The following ENTREP2 variants were observed in gnomAD, a reference collection of about 807,000 sequenced individuals.
ENTREP2 encodes protein ENTREP2.
chr15:29,128,756 C>G, the ENTREP2 span: 2 of 1,502,866 alleles, frequency 1.3e-6, no homozygotes, highest in Non-Finnish European at 9.1e-7. Context: ...AACAGGAACA[C>G]CCCACTTCAG....
At chr15:29,607,798 G>GGATAGATAGATAGATA in the ENTREP2 span, among the ~76,000 whole-genome samples, 14,376 of 149,818 alleles carry the variant, frequency 0.096, 986 homozygotes, top group African/African-American at 0.19. Context: ...TAGAATAGAG[G>GGATAGATAGATAGATA]GATAGATAGA....
the ENTREP2 span, among the ~76,000 whole-genome samples, chr15:29,128,544 C>T: frequency 6.6e-5 from 10 of 152,164 alleles, no homozygotes; most frequent in South Asian, 4.2e-4. Flanking sequence ...AAGGTCTCCC[C>T]GGAGAGCGCA....
the ENTREP2 span, among the ~76,000 whole-genome samples, chr15:29,575,558 A>G: frequency 9.9e-5 from 15 of 152,240 alleles, no homozygotes; most frequent in African/African-American, 3.6e-4. Flanking sequence ...TTGTAAAGGA[A>G]GAAGCAAAAC....
At chr15:29,315,929 C>A in the ENTREP2 span, among the ~76,000 whole-genome samples, 1 of 139,456 alleles carries the variant, frequency 7.2e-6, no homozygotes, top group East Asian at 2.1e-4. Flanking sequence ...AGTATGTGTA[C>A]AGCACATGTG....
chr15:29,293,880 C>T, the ENTREP2 span, among the ~76,000 whole-genome samples: 2 of 152,222 alleles, frequency 1.3e-5, no homozygotes, highest in African/African-American at 4.8e-5. Context: ...CTGCCATGCC[C>T]AAGACAGTGC....
the ENTREP2 span, among the ~76,000 whole-genome samples, chr15:29,582,698 C>A: frequency 6.6e-6 from 1 of 152,004 alleles, no homozygotes; most frequent in African/African-American, 2.4e-5. Context: ...GTTGCTCAGC[C>A]TGGAGTGCAG....
the ENTREP2 span, among the ~76,000 whole-genome samples, chr15:29,572,518 T>C: frequency 6.6e-6 from 1 of 151,524 alleles, no homozygotes; most frequent in Non-Finnish European, 1.5e-5. Context: ...CCAACAAAAG[T>C]TCATAAAGAG....
chr15:29,459,004 C>T, the ENTREP2 span, among the ~76,000 whole-genome samples: 1 of 152,196 alleles, frequency 6.6e-6, no homozygotes, highest in Non-Finnish European at 1.5e-5. Context: ...GCAAGAGGAA[C>T]AGACCCAATC....
the ENTREP2 span, among the ~76,000 whole-genome samples, chr15:29,546,812 G>A: frequency 4.0e-5 from 6 of 151,134 alleles, no homozygotes; most frequent in South Asian, 2.1e-4. Context: ...GCATGAACCC[G>A]GGAGGCCGAA....
the ENTREP2 span, among the ~76,000 whole-genome samples, chr15:29,608,680 A>G: frequency 1.3e-5 from 2 of 151,476 alleles, no homozygotes; most frequent in East Asian, 3.9e-4. Context: ...CATTCTCCTG[A>G]CTCAGCCTCC....
At chr15:29,222,490 T>G in the ENTREP2 span, among the ~76,000 whole-genome samples, 1 of 152,202 alleles carries the variant, frequency 6.6e-6, no homozygotes, top group Non-Finnish European at 1.5e-5. Context: ...CAAGATCCAA[T>G]AGCCCTCTCT....
the ENTREP2 span, among the ~76,000 whole-genome samples, chr15:29,354,391 C>T: frequency 6.6e-6 from 1 of 152,162 alleles, no homozygotes; most frequent in Non-Finnish European, 1.5e-5. Flanking sequence ...TGATCAATGT[C>T]CTGTATACCC....
At chr15:29,556,466 T>A in the ENTREP2 span, among the ~76,000 whole-genome samples, 1 of 152,162 alleles carries the variant, frequency 6.6e-6, no homozygotes, top group Admixed American at 6.5e-5. Flanking sequence ...GAGGAAAATT[T>A]CTTGTGAAAT....
the ENTREP2 span, among the ~76,000 whole-genome samples, chr15:29,183,964 T>C: frequency 6.6e-6 from 1 of 152,212 alleles, no homozygotes; most frequent in East Asian, 1.9e-4. Flanking sequence ...CTCATACTTT[T>C]CTGCACGTTG....
At chr15:29,459,913 C>G in the ENTREP2 span, among the ~76,000 whole-genome samples, 190 of 152,236 alleles carry the variant, frequency 1.2e-3, 1 homozygote, top group South Asian at 0.015. Flanking sequence ...TAAAAGTTAT[C>G]AAGTGATCTA....
chr15:29,487,802 C>G, the ENTREP2 span, among the ~76,000 whole-genome samples: 1 of 152,340 alleles, frequency 6.6e-6, no homozygotes, highest in South Asian at 2.1e-4. Flanking sequence ...AACTAATTAT[C>G]CTGCCTCAGC....
chr15:29,192,507 G>C, the ENTREP2 span, among the ~76,000 whole-genome samples: 1 of 152,156 alleles, frequency 6.6e-6, no homozygotes, highest in Non-Finnish European at 1.5e-5. Flanking sequence ...AGACAGCTGA[G>C]GTCACAGGAC....
the ENTREP2 span, among the ~76,000 whole-genome samples, chr15:29,402,251 A>AATATATATAT: frequency 1.7e-3 from 187 of 111,902 alleles, 6 homozygotes; most frequent in African/African-American, 5.5e-3. Flanking sequence ...ATTATAGAAG[A>AATATATATAT]ATATATATAT....
At chr15:29,278,685 G>A in the ENTREP2 span, among the ~76,000 whole-genome samples, 1 of 152,194 alleles carries the variant, frequency 6.6e-6, no homozygotes, top group African/African-American at 2.4e-5. Flanking sequence ...AGAGGAAAGG[G>A]AGAAGCACAG....
Sources: allele counts gnomAD v4.1 joint callset (sites outside exome capture counted in the v4.1 genomes callset), GRCh38; gene constraint gnomAD v4.1.1; transcripts MANE v1.5; gene names NCBI Gene and HGNC (gene_info 2026-07-23, HGNC 2026-07-21).